CLIC5: variants seen among roughly 807,000 people sequenced by gnomAD.
CLIC5 encodes the protein CLIC family member 5, also known as chloride intracellular channel protein 5.
In CLIC5, 20 loss-of-function variants were observed where a neutral mutation model predicts 24.7. The observed-to-expected ratio is 0.81, with a 90% CI of 0.57 to 1.18. The LOEUF is 1.18. CLIC5 is among the 50% of genes most tolerant of loss of function. The pLI, the probability that CLIC5 is intolerant of heterozygous loss-of-function variation, is 0.00. For synonymous variants in CLIC5, 159 were observed against 135.6 expected (o/e 1.17, Z -1.20); for missense variants, 341 against 326.1 (o/e 1.05, Z -0.35).
intron 1 of CLIC5, among the ~76,000 whole-genome samples, chr6:46,034,407 G>T (rs994494494): frequency 6.6e-6 from 1 of 152,140 alleles, no homozygotes; most frequent in Non-Finnish European, 1.5e-5. Context: ...CTCAATATGG[G>T]TGCTTCAGGC....
chr6:45,944,211 G>A (rs1203544262), intron 3 of CLIC5, among the ~76,000 whole-genome samples: 2 of 151,778 alleles, frequency 1.3e-5, no homozygotes, highest in Admixed American at 6.6e-5. Context: ...ATTTTTAAAT[G>A]CTTGAAAAAA....
intron 1 of CLIC5, among the ~76,000 whole-genome samples, chr6:45,994,469 A>G (rs1050767034): frequency 1.7e-4 from 26 of 152,128 alleles, no homozygotes; most frequent in African/African-American, 6.3e-4. Flanking sequence ...GGAGGGGAAC[A>G]ACGCACACCA....
the CLIC5 span, among the ~76,000 whole-genome samples, chr6:46,118,755 T>C: frequency 6.6e-6 from 1 of 152,238 alleles, no homozygotes. Flanking sequence ...CTTGGTGCCT[T>C]TGTCAATGCT....
intron 1 of CLIC5, among the ~76,000 whole-genome samples, chr6:46,009,956 G>A (rs960308096): frequency 6.6e-6 from 1 of 152,124 alleles, no homozygotes; most frequent in Non-Finnish European, 1.5e-5. Context: ...GCTCTAGTGG[G>A]CTCCAGCTTA....
intron 1 of CLIC5, among the ~76,000 whole-genome samples, chr6:46,043,403 C>T (rs1339914577): frequency 1.3e-5 from 2 of 152,168 alleles, no homozygotes; most frequent in East Asian, 1.9e-4. Context: ...TCTTCATTTG[C>T]TTATGCACCA....
chr6:46,059,744 G>T (rs986630820), intron 1 of CLIC5, among the ~76,000 whole-genome samples: 2 of 152,244 alleles, frequency 1.3e-5, no homozygotes, highest in Non-Finnish European at 2.9e-5. Context: ...ACTAAAGTCA[G>T]TTTGCACTCA....
At chr6:45,944,675 C>G (rs1221747259) in intron 3 of CLIC5, among the ~76,000 whole-genome samples, 1 of 152,058 alleles carries the variant, frequency 6.6e-6, no homozygotes, top group African/African-American at 2.4e-5. Context: ...CACTGACTAG[C>G]CACAGCCAAC....
intron 1 of CLIC5, among the ~76,000 whole-genome samples, chr6:45,998,857 G>T (rs938567569): frequency 2.6e-5 from 4 of 152,142 alleles, no homozygotes; most frequent in Admixed American, 1.3e-4. Flanking sequence ...TTTTGTAGAT[G>T]AGGTGTTACT....
intron 1 of CLIC5, among the ~76,000 whole-genome samples, chr6:46,055,628 G>T (rs779367803): frequency 2.6e-5 from 4 of 152,206 alleles, no homozygotes; most frequent in Non-Finnish European, 5.9e-5. Flanking sequence ...GACCTGTGAA[G>T]GCAAGAACAG....
At chr6:45,903,346 C>T (rs1762561800) in intron 5 of CLIC5, 91 bp from the exon 6 acceptor site, 1 of 1,171,830 alleles carries the variant, frequency 8.5e-7, no homozygotes, top group South Asian at 1.6e-5. Flanking sequence ...GTGTGCACTG[C>T]AGGAAACCTC....
chr6:45,977,931 G>A (rs10807330), intron 1 of CLIC5, among the ~76,000 whole-genome samples: 79,029 of 152,056 alleles, frequency 0.52, 21,495 homozygotes, highest in African/African-American at 0.68. Flanking sequence ...TCCACTCAGC[G>A]TCTTTCCCTG....
intron 6 of CLIC5, among the ~76,000 whole-genome samples, chr6:45,882,258 C>T (rs995560403): frequency 3.3e-5 from 5 of 152,248 alleles, no homozygotes; most frequent in Admixed American, 3.3e-4. Flanking sequence ...CCTTCATCCA[C>T]AGCAACCCAA....
At chr6:46,095,876 T>C in the CLIC5 span, among the ~76,000 whole-genome samples, 1 of 150,706 alleles carries the variant, frequency 6.6e-6, no homozygotes, top group South Asian at 2.1e-4. Context: ...CTAAGCTGCT[T>C]CCATATTTTC....
chr6:45,967,035 AC>A (rs1765038082), intron 1 of CLIC5, among the ~76,000 whole-genome samples: 1 of 152,218 alleles, frequency 6.6e-6, no homozygotes, highest in Admixed American at 6.5e-5. Context: ...GGCCATATGT[AC>A]CCAACCACAT....
Position 45,899,696 on chromosome 6 carries a change from GTGAAGAGCTTC to G in CLIC5, c.*3381_*3391del, listed in dbSNP as rs1387532888. ...TGGAGTGGCCATGGGGCACAGAACTGTGAAGAGCTTCTGTTGTTTCATTTGATAAGGGCCTG... is the reference window on the plus strand; with the variant it reads ...TGGAGTGGCCATGGGGCACAGAACTGTGTTGTTTCATTTGATAAGGGCCTG... On this transcript the variant is annotated 3_prime_UTR_variant, in exon 6 of 6. Transcript: ENST00000339561. 3 of 152,232 alleles carry G rather than the reference GTGAAGAGCTTC, an allele frequency of 2.0e-5. No homozygotes were observed. The highest frequency in any genetic ancestry group is 7.2e-5 in the African/African-American group (3 of 41,456). 9.4% of individuals were successfully genotyped at this position (152,232 alleles called of 1,614,324 possible).
rs267601051 is a variant in CLIC5 at position 45,955,232 on chromosome 6, C to T, written c.76G>A (p.Gly26Arg). The T allele has an allele frequency of 1.2e-6, 2 of 1,613,582 alleles. No homozygotes were observed. The highest frequency in any genetic ancestry group is 1.7e-6 in the Non-Finnish European group (2 of 1,179,590). Residue 26 changes from glycine (G) to arginine (R), a missense_variant, in exon 2 of 6, where the codon GGA becomes AGA. Physicochemically the swap from Gly to Arg is moderately radical, Grantham distance 125. Transcript: ENST00000339561. ...IELFVKAGID[G>R]ESIGNCPFSQ... ...AAAGGACAGTTGCCGATGCTTTCTC[C>T]ATCGATTCCAGCCTGGAAAGAAGAG...
At chr6:45,924,284 C>A (rs1168586135) in intron 4 of CLIC5, among the ~76,000 whole-genome samples, 1 of 152,178 alleles carries the variant, frequency 6.6e-6, no homozygotes, top group African/African-American at 2.4e-5. Context: ...AAGCCTTCAT[C>A]ATAACAGATG....
chr6:45,969,981 A>T (rs1205319959), intron 1 of CLIC5, among the ~76,000 whole-genome samples: 1 of 152,068 alleles, frequency 6.6e-6, no homozygotes, highest in African/African-American at 2.4e-5. Flanking sequence ...GGGAGATAAC[A>T]CAAGTAAAAT....
the CLIC5 span, among the ~76,000 whole-genome samples, chr6:46,110,735 T>C: frequency 0.13 from 20,085 of 152,172 alleles, 1,791 homozygotes; most frequent in South Asian, 0.33. Context: ...TTCATGTGGA[T>C]ATTACAAGCA....
Sources: gnomAD v4.1 joint callset for allele counts (sites outside exome capture counted in the v4.1 genomes callset) on GRCh38, gnomAD v4.1.1 for gene constraint, MANE v1.5 for transcripts, NCBI Gene and HGNC (gene_info 2026-07-23, HGNC 2026-07-21) for gene names.